The following ULK4 variants were observed in gnomAD, a reference collection of about 807,000 sequenced individuals.
ULK4 encodes the protein unc-51 like kinase 4, also known as inactive serine/threonine-protein kinase ULK4.
A neutral mutation model predicts 160.6 loss-of-function variants in ULK4; 133 were observed. That is an observed-to-expected ratio of 0.83 (90% CI 0.72 to 0.96). ULK4 has a LOEUF of 0.96. Among genes scored for constraint, ULK4 ranks in the 40% least tolerant of loss-of-function variants. The pLI is 0.00. For synonymous variants in ULK4, 534 were observed against 539.8 expected (o/e 0.99, Z 0.15); for missense variants, 1,580 against 1,499.5 (o/e 1.05, Z -0.89).
At position 41,896,971 on chromosome 3, in the gene ULK4, A is replaced by G; in HGVS notation, c.1381T>C (p.Trp461Arg). The change falls in exon 15 of 37, where the codon TGG becomes CGG. Residue 461 changes from tryptophan to arginine, a missense_variant. Transcript: ENST00000301831. ...DKLLFLKDQD[W>R]NDFLQQVCSQ... ...CACACTTGTTGCAAAAAGTCATTCC[A>G]ATCTTGATCTTTCAGAAATAATAAC... The G allele has an allele frequency of 6.2e-7, 1 of 1,613,032 alleles. No individual in the cohort carries two copies.
intron 32 of ULK4, among the ~76,000 whole-genome samples, chr3:41,545,216 T>C (rs2086818863): frequency 6.6e-6 from 1 of 152,180 alleles, no homozygotes; most frequent in Admixed American, 6.5e-5. Flanking sequence ...TTAACCACAT[T>C]CGCGTTCTCT....
intron 2 of ULK4, among the ~76,000 whole-genome samples, chr3:41,950,494 C>T (rs142874902): frequency 0.13 from 19,074 of 152,052 alleles, 1,384 homozygotes; most frequent in Middle Eastern, 0.27. Flanking sequence ...CCGCCCACCT[C>T]AGCCTCCAAA....
chr3:41,874,530 A>AT (rs1349823636), intron 17 of ULK4, among the ~76,000 whole-genome samples: 1 of 152,254 alleles, frequency 6.6e-6, no homozygotes, highest in Non-Finnish European at 1.5e-5. Flanking sequence ...ACCAAAAAAC[A>AT]TGAGGACATA....
At chr3:41,451,350 G>A (rs964862574) in intron 34 of ULK4, among the ~76,000 whole-genome samples, 1 of 151,804 alleles carries the variant, frequency 6.6e-6, no homozygotes, top group African/African-American at 2.4e-5. Context: ...GGGTAGCATT[G>A]GAGGTTGGCT....
chr3:41,900,325 C>G (rs1273694263), intron 13 of ULK4, among the ~76,000 whole-genome samples: 1 of 152,128 alleles, frequency 6.6e-6, no homozygotes, highest in African/African-American at 2.4e-5. Context: ...TGCCCTCTGA[C>G]TGCTTGTGCC....
At chr3:41,605,192 GA>G (rs933195904) in intron 31 of ULK4, among the ~76,000 whole-genome samples, 10 of 150,570 alleles carry the variant, frequency 6.6e-5, no homozygotes, top group African/African-American at 2.4e-4. Context: ...AAAGAAAGCA[GA>G]AAAAGACATA....
intron 30 of ULK4, among the ~76,000 whole-genome samples, chr3:41,646,732 G>A (rs898753205): frequency 2.0e-5 from 3 of 152,176 alleles, no homozygotes; most frequent in Non-Finnish European, 4.4e-5. Flanking sequence ...GAATCTGAAT[G>A]TTGGCCTGCC....
chr3:41,737,744 G>A (rs559971065), intron 22 of ULK4, among the ~76,000 whole-genome samples: 22 of 151,778 alleles, frequency 1.4e-4, no homozygotes, highest in African/African-American at 4.4e-4. Flanking sequence ...CAAACTCATC[G>A]TCCAATTCAA....
chr3:41,840,418 G>A (rs922004086), intron 17 of ULK4, among the ~76,000 whole-genome samples: 16 of 152,104 alleles, frequency 1.1e-4, no homozygotes, highest in East Asian at 9.7e-4. Context: ...CTCTGTTGCC[G>A]AGGCTGGACT....
chr3:41,518,672 A>G (rs2085829917), intron 32 of ULK4, among the ~76,000 whole-genome samples: 1 of 152,156 alleles, frequency 6.6e-6, no homozygotes, highest in South Asian at 2.1e-4. Flanking sequence ...CTCTAAAACT[A>G]AGGATATAAA....
intron 34 of ULK4, among the ~76,000 whole-genome samples, chr3:41,447,440 C>T (rs1342872574): frequency 2.0e-5 from 3 of 152,096 alleles, no homozygotes; most frequent in Admixed American, 2.0e-4. Flanking sequence ...AGCAGGCAGC[C>T]TTGGCCAATA....
chr3:41,792,076 T>C (rs981805700), intron 20 of ULK4, among the ~76,000 whole-genome samples: 28 of 152,200 alleles, frequency 1.8e-4, no homozygotes, highest in African/African-American at 6.5e-4. Context: ...TCAGATACCA[T>C]GGTTTAGGAA....
chr3:41,700,346 A>G (rs944308849), intron 27 of ULK4, among the ~76,000 whole-genome samples: 2 of 152,118 alleles, frequency 1.3e-5, no homozygotes, highest in Admixed American at 6.5e-5. Flanking sequence ...TAGCATACAG[A>G]GTTTTATGAG....
At chr3:41,853,601 C>T (rs1450653843) in intron 17 of ULK4, among the ~76,000 whole-genome samples, 1 of 152,160 alleles carries the variant, frequency 6.6e-6, no homozygotes, top group African/African-American at 2.4e-5. Flanking sequence ...TAAATAAGCA[C>T]TGGCCTCAAG....
intron 32 of ULK4, among the ~76,000 whole-genome samples, chr3:41,557,186 A>G (rs1334160288): frequency 1.3e-5 from 2 of 152,088 alleles, no homozygotes; most frequent in South Asian, 4.1e-4. Context: ...CCTGATTACA[A>G]AAGAAATAAA....
chr3:41,480,081 C>A lies in ULK4; in HGVS notation c.3227-16828G>T, dbSNP rs1424173522. The stretch of plus-strand genomic sequence containing the variant: ...AATTAGCCAGGCGTGGTGGCGGGCG[C>A]CTGTAGTCCCAGCTACTCGGGAAGC... On this transcript the variant is annotated intron_variant, in intron 32 of 36. Transcript: ENST00000301831. 5.3e-5 allele frequency among the ~76,000 whole-genome samples: 8 copies of A among 152,096 alleles called. No individual in the cohort carries two copies. In the East Asian group the frequency reaches 1.6e-3, roughly 30 times the overall value.
chr3:41,757,069 T>C lies in ULK4; in HGVS notation c.2194-2581A>G, dbSNP rs181733669. On this transcript the variant is annotated intron_variant, in intron 21 of 36. Coordinates refer to ENST00000301831, the MANE Select transcript of ULK4 (RefSeq NM_017886.4). The stretch of plus-strand genomic sequence containing the variant: ...AAAAAAACCACATAAACTAGAGTAT[T>C]TGCAGCACATTTTTTTAATAAAGGG... 5.9e-3 allele frequency among the ~76,000 whole-genome samples: 904 copies of C among 152,098 alleles called. 10 individuals are homozygous for C. Among genetic ancestry groups the C allele is most frequent in the African/African-American group, 0.02 (838 of 41,480 alleles).
At chr3:41,335,839 T>C (rs1209102630) in intron 35 of ULK4, among the ~76,000 whole-genome samples, 1 of 152,160 alleles carries the variant, frequency 6.6e-6, no homozygotes, top group Non-Finnish European at 1.5e-5. Flanking sequence ...TCTAAGGGAA[T>C]ATGTAAAGGT....
chr3:41,359,934 A>C (rs561668593), intron 35 of ULK4, among the ~76,000 whole-genome samples: 1 of 152,318 alleles, frequency 6.6e-6, no homozygotes, highest in East Asian at 1.9e-4. Context: ...ATACGATACA[A>C]TTAAACTAAA....
Sources: allele counts gnomAD v4.1 joint callset (sites outside exome capture counted in the v4.1 genomes callset), GRCh38; gene constraint gnomAD v4.1.1; transcripts MANE v1.5; gene names NCBI Gene and HGNC (gene_info 2026-07-23, HGNC 2026-07-21).